The following SPEG variants were observed in gnomAD, a reference collection of about 807,000 sequenced individuals.
SPEG encodes the protein striated muscle enriched protein kinase.
A neutral mutation model predicts 300.4 loss-of-function variants in SPEG; 114 were observed. The ratio of observed to expected loss-of-function variants is 0.38; its 90% CI spans 0.33 to 0.44. The LOEUF (loss-of-function observed/expected upper bound fraction) is 0.44, where lower values mean the gene tolerates loss of function less well. SPEG is among the 20% of genes least tolerant of loss of function. The pLI is 1.00. For missense variants in SPEG, 4,201 were observed against 4,586.2 expected (o/e 0.92, Z 2.43); for synonymous variants, 1,964 against 2,018.9 (o/e 0.97, Z 0.73).
At position 219,481,623 on chromosome 2, in the gene SPEG, CTCAT is replaced by C; in HGVS notation, c.5523-7_5523-4del. The stretch of plus-strand genomic sequence containing the variant: ...CTGAACGATAAATCCCTTCTTAATC[CTCAT>C]TCATTCACAGGAGACCTACCGCAGA... On this transcript the variant is annotated splice_polypyrimidine_tract_variant and intron_variant, in intron 27 of 40. Transcript: ENST00000312358. The surrounding 1 kb of genome is among the most constrained non-coding windows in gnomAD (Gnocchi z 5.4). The C allele has an allele frequency of 6.2e-7, 1 of 1,613,910 alleles. No individual in the cohort carries two copies. Among genetic ancestry groups the C allele is most frequent in the African/African-American group, 1.3e-5 (1 of 75,042 alleles).
At chr2:219,492,573 A>T (rs774517275) in intron 40 of SPEG, 21 bp from the exon 41 acceptor site, 1 of 1,603,954 alleles carries the variant, frequency 6.2e-7, no homozygotes, top group Admixed American at 1.7e-5. Flanking sequence ...CAGGTTCATC[A>T]TCCCTGGCTC....
rs1411149123 is a variant in SPEG, at chr2:219,484,550, T to C, written c.7087T>C (p.Phe2363Leu). The change falls in exon 30 of 41, where the codon TTC becomes CTC. Residue 2363 changes from phenylalanine (F) to leucine (L), a missense_variant. Physicochemically the swap from Phe to Leu is conservative, Grantham distance 22. Transcript: ENST00000312358. ...SRSRSEERGP[F>L]RGAEEEDGIY... ...TTCGCGCTCGGAGGAGCGCGGCCCC[T>C]TCCGTGGGGCCGAGGAGGAGGATGG... is the stretch of plus-strand genomic sequence containing the variant. 4 of 1,591,176 alleles carry C rather than the reference T, an allele frequency of 2.5e-6. No homozygotes were observed. The African/African-American group carries it at 5.4e-5, about 21-fold the overall frequency.
At chr2:219,438,698 G>A (rs536607028) in intron 1 of SPEG, among the ~76,000 whole-genome samples, 2 of 152,218 alleles carry the variant, frequency 1.3e-5, no homozygotes, top group Non-Finnish European at 2.9e-5. Flanking sequence ...GAGAGAAGAG[G>A]TGAGCTGATG....
Position 219,477,209 on chromosome 2 carries a change from G to C in SPEG, c.4561-68G>C, listed in dbSNP as rs1025757304. On this transcript the variant is annotated intron_variant, in intron 19 of 40. Coordinates refer to ENST00000312358, the MANE Select transcript of SPEG (RefSeq NM_005876.5). The surrounding 1 kb of genome is among the most constrained non-coding windows in gnomAD (Gnocchi z 6.4). ...GAGAGATGCGCTGCCCAGAGTAGGA[G>C]ATGAGGCCCTGGCCCCAAGGTAGAG... 4.4e-5 allele frequency: 9 copies of C among 206,202 alleles called. No individual in the cohort carries two copies. Among genetic ancestry groups the C allele is most frequent in the African/African-American group, 2.1e-4 (9 of 43,780 alleles). 12.8% of individuals were successfully genotyped at this position (206,202 alleles called of 1,614,324 possible).
chr2:219,476,964 G>C lies in SPEG; in HGVS notation c.4542G>C (p.Pro1514=). The C allele has an allele frequency of 6.2e-7, 1 of 1,610,860 alleles. No individual in the cohort carries two copies. Among genetic ancestry groups the C allele is most frequent in the Non-Finnish European group, 8.5e-7 (1 of 1,178,308 alleles). The change falls in exon 19 of 41, where the codon CCG becomes CCC. Residue 1514 remains proline, a synonymous_variant. Transcript: ENST00000312358. ...TGGTGGTCGAGGGAAAACCACTGCC[G>C]GACATCATGTGGTACAAGGTCAGAG... ...FAVVVEGKPL[P]DIMWYKDEVL... is the part of the protein sequence containing the mutation.
intron 31 of SPEG, among the ~76,000 whole-genome samples, chr2:219,487,208 A>T (rs1034565578): frequency 1.4e-4 from 21 of 152,156 alleles, no homozygotes; most frequent in African/African-American, 4.8e-4. Context: ...CTAAAGAGGC[A>T]CAGGCTGGCT....
chr2:219,444,821 C>A lies in SPEG; in HGVS notation c.479-4C>A. 6.3e-7 allele frequency: 1 copy of A among 1,595,918 alleles called. No individual in the cohort carries two copies. Among genetic ancestry groups the A allele is most frequent in the South Asian group, 1.1e-5 (1 of 88,212 alleles). On this transcript the variant is annotated splice_polypyrimidine_tract_variant and splice_region_variant and intron_variant, in intron 2 of 40. Transcript: ENST00000312358. The surrounding 1 kb of genome is among the most constrained non-coding windows in gnomAD (Gnocchi z 7.8). ...CCTCAGTCTCACGGTGCTCCTTTCTCTAGGGGGTTCTGACACCCTGGTGGG... is the reference window on the plus strand; with the variant it reads ...CCTCAGTCTCACGGTGCTCCTTTCTATAGGGGGTTCTGACACCCTGGTGGG...
rs1271213041 is a variant in SPEG at position 219,489,631 on chromosome 2, G to A, written c.8613G>A (p.Glu2871=). Residue 2871 remains glutamate (E), a synonymous_variant, in exon 36 of 41, where the codon GAG becomes GAA. Coordinates refer to ENST00000312358, the MANE Select transcript of SPEG (RefSeq NM_005876.5). The stretch of plus-strand genomic sequence containing the variant: ...CCAGTACCCACGTCACCCCAAGTGA[G>A]CCCAAGCCTTTCGTCCTTGACACTG... ...TLPSTHVTPS[E]PKPFVLDTGT... The A allele has an allele frequency of 6.2e-7, 1 of 1,613,820 alleles. No homozygotes were observed. Among genetic ancestry groups the A allele is most frequent in the East Asian group, 2.2e-5 (1 of 44,900 alleles).
chr2:219,482,181 A>G (rs1692910428), intron 28 of SPEG: 1 of 182,894 alleles, frequency 5.5e-6, no homozygotes, highest in Admixed American at 5.4e-5. Flanking sequence ...GGGATTTGGG[A>G]GGGGGGGTTC....
chr2:219,479,331 C>CT lies in SPEG; in HGVS notation c.5085+131dup, dbSNP rs1343136175. 2 of 721,386 alleles carry CT rather than the reference C, an allele frequency of 2.8e-6. No individual in the cohort carries two copies. Among genetic ancestry groups the CT allele is most frequent in the Non-Finnish European group, 4.9e-6 (2 of 408,466 alleles). The allele number at this position is 721,386 out of a possible 1,614,324, so 44.7% of individuals were successfully genotyped here. A position where few individuals can be genotyped will look rare whatever the true frequency, so the allele number is the denominator to read the frequency against. Reference sequence around the variant, plus strand: ...AAGCCAGGGGTGGAGGTGGAGAGCACTGTTAGGTAGGCAGCAGAGTCCCCA... The same window carrying CT: ...AAGCCAGGGGTGGAGGTGGAGAGCACTTGTTAGGTAGGCAGCAGAGTCCCCA... On this transcript the variant is annotated intron_variant, in intron 23 of 40. Transcript: ENST00000312358. This position sits in a 1 kb window ranked among gnomAD's most constrained non-coding sequence, Gnocchi z 5.5.
In SPEG at chr2:219,481,430, C is replaced by T. The variant is rs1197685759; in HGVS notation, c.5496C>T (p.Leu1832=). The T allele has an allele frequency of 1.9e-6, 3 of 1,614,148 alleles. No individual in the cohort carries two copies. The highest frequency in any genetic ancestry group is 3.3e-5 in the Admixed American group (2 of 60,028). ...LSLSREARGF[L]IKVLVQDRLR... ...TGAGCAGGGAGGCCCGGGGCTTCCT[C>T]ATCAAAGTGTTGGTGCAGGACCGGC... The change falls in exon 27 of 41, where the codon CTC becomes CTT. Residue 1832 remains leucine, a synonymous_variant. Transcript: ENST00000312358. The surrounding 1 kb of genome is among the most constrained non-coding windows in gnomAD (Gnocchi z 5.4).
rs779127545 is a variant in SPEG at position 219,483,990 on chromosome 2, C to T, written c.6527C>T (p.Ser2176Phe). The change falls in exon 30 of 41, where the codon TCC becomes TTC. Residue 2176 changes from serine to phenylalanine, a missense_variant. Physicochemically the swap from Ser to Phe is radical, Grantham distance 155. Around this residue, in one of 4 missense-constraint regions of SPEG, gnomAD observed 1,578 missense variants for 1,506.0 expected, o/e 1.05. Transcript: ENST00000312358. ...SLSALSEAQP[S>F]SPARPSAPKP... ...TCTGCCCTCAGCGAGGCCCAGCCATCCAGCCCTGCACGGCCCAGCGCCCCC... is the reference window on the plus strand; with the variant it reads ...TCTGCCCTCAGCGAGGCCCAGCCATTCAGCCCTGCACGGCCCAGCGCCCCC... 3 of 1,611,932 alleles carry T rather than the reference C, an allele frequency of 1.9e-6. No homozygotes were observed. The Admixed American group carries it at 5.0e-5, about 27-fold the overall frequency.
At chr2:219,472,153 T>C in intron 14 of SPEG, 74 bp from the exon 15 acceptor site, 1 of 1,543,396 alleles carries the variant, frequency 6.5e-7, no homozygotes, top group Non-Finnish European at 8.9e-7. Flanking sequence ...CCTAGCCTCC[T>C]GCCCTGAGGC....
chr2:219,484,158 C>T lies in SPEG; in HGVS notation c.6695C>T (p.Pro2232Leu). Reference protein sequence around the residue: ...PVRASKPAPPPQALQTLALPL... With the variant: ...PVRASKPAPPLQALQTLALPL... ...CGAGCCTCCAAGCCTGCACCACCCC[C>T]CCAGGCCCTGCAAACCCTAGCGCTG... The change falls in exon 30 of 41, where the codon CCC becomes CTC. Residue 2232 changes from proline to leucine, a missense_variant. Transcript: ENST00000312358. 3.1e-6 allele frequency: 5 copies of T among 1,613,708 alleles called. No homozygotes were observed. Among genetic ancestry groups the T allele is most frequent in the Non-Finnish European group, 4.2e-6 (5 of 1,179,968 alleles).
chr2:219,449,080 T>G lies in SPEG; in HGVS notation c.1922T>G (p.Leu641Arg). 1 of 1,514,092 alleles carries G rather than the reference T, an allele frequency of 6.6e-7. No individual in the cohort carries two copies. Among genetic ancestry groups the G allele is most frequent in the Non-Finnish European group, 8.8e-7 (1 of 1,131,042 alleles). 93.8% of individuals were successfully genotyped at this position (1,514,092 alleles called of 1,614,324 possible). Residue 641 changes from leucine (L) to arginine (R), a missense_variant, in exon 4 of 41, where the codon CTG becomes CGG. Coordinates refer to ENST00000312358, the MANE Select transcript of SPEG (RefSeq NM_005876.5). ...REPPAQAVRFLPWATPGLEGA... is the reference protein window; with the variant it reads ...REPPAQAVRFRPWATPGLEGA... ...CCCCCGGCGCAGGCCGTGCGCTTCC[T>G]GCCCTGGGCCACGCCGGGCCTGGAG... is the stretch of plus-strand genomic sequence containing the variant.
Position 219,485,191 on chromosome 2 carries a change from G to T in SPEG, c.7609+119G>T, listed in dbSNP as rs1208372739. 2.7e-6 allele frequency: 4 copies of T among 1,485,800 alleles called. No homozygotes were observed. In the East Asian group the frequency reaches 9.3e-5, roughly 35 times the overall value. The allele number at this position is 1,485,800 out of a possible 1,614,324, so 92.0% of individuals were successfully genotyped here. On this transcript the variant is annotated intron_variant, in intron 30 of 40. Coordinates refer to ENST00000312358, the MANE Select transcript of SPEG (RefSeq NM_005876.5). ...CCAGGGGCAGGCTGAGGCCCCGAGG[G>T]TGGAATCAGCAGGGCTGGAGGGGAG...
Position 219,481,765 on chromosome 2 carries a change from T to G in SPEG, c.5565+85T>G. On this transcript the variant is annotated intron_variant, in intron 28 of 40. Coordinates refer to ENST00000312358, the MANE Select transcript of SPEG (RefSeq NM_005876.5). The surrounding 1 kb of genome is among the most constrained non-coding windows in gnomAD (Gnocchi z 5.4). ...AGCTCTATTTATTGAGTACCTACTG[T>G]GTGCAGTAACCACGTTAGGCATTGT... 8.1e-7 allele frequency: 1 copy of G among 1,235,898 alleles called. No homozygotes were observed. Among genetic ancestry groups the G allele is most frequent in the Non-Finnish European group, 1.2e-6 (1 of 838,414 alleles). The allele number at this position is 1,235,898 out of a possible 1,614,324, so 76.6% of individuals were successfully genotyped here.
rs1326694617 is a variant in SPEG, at chr2:219,484,427, A to G, written c.6964A>G (p.Ser2322Gly). ...CCCCAGGCCAGGCAGCAGTCTCAGT[A>G]GCAGCATCGAAAACTTGGAGTCGGA... ...VPPRPGSSLS[S>G]SIENLESEAV... The change falls in exon 30 of 41, where the codon AGC (serine) becomes GGC (glycine). Residue 2322 changes from serine (S) to glycine (G), a missense_variant. Ser to Gly is a moderately conservative substitution (Grantham distance 56). This residue lies in a region of SPEG where 1,578 missense variants were observed against 1,506.0 expected (regional missense o/e 1.05). Transcript: ENST00000312358. The G allele has an allele frequency of 6.2e-7, 1 of 1,611,320 alleles. No individual in the cohort carries two copies. Among genetic ancestry groups the G allele is most frequent in the East Asian group, 2.2e-5 (1 of 44,824 alleles).
At chr2:219,466,285 A>G in intron 9 of SPEG, 1 of 1,422,826 alleles carries the variant, frequency 7.0e-7, no homozygotes, top group Admixed American at 3.1e-5. Flanking sequence ...ATGGCTGTGC[A>G]GGCCAGGAGG....
Sources: allele counts gnomAD v4.1 joint callset (sites outside exome capture counted in the v4.1 genomes callset), GRCh38; gene constraint gnomAD v4.1.1; regional missense constraint gnomAD v4.1.1; non-coding constraint Gnocchi (gnomAD v3.1); transcripts MANE v1.5; gene names NCBI Gene and HGNC (gene_info 2026-07-23, HGNC 2026-07-21).